Variants in ANKRD13D observed in about 807,000 individuals in gnomAD.
ANKRD13D encodes ankyrin repeat domain 13D.
In ANKRD13D, 24 loss-of-function variants were observed where a neutral mutation model predicts 68.8. That is an observed-to-expected ratio of 0.35 (90% CI 0.25 to 0.49). ANKRD13D has a LOEUF of 0.49. Among genes scored for constraint, ANKRD13D ranks in the 20% least tolerant of loss-of-function variants. The pLI, the probability that ANKRD13D is intolerant of heterozygous loss-of-function variation, is 0.99. For missense variants in ANKRD13D, 735 were observed against 832.1 expected, an observed-to-expected ratio of 0.88 and a Z score of 1.44; for synonymous variants, 331 against 336.1, an observed-to-expected ratio of 0.98 and a Z score of 0.16.
rs375239214 is a variant in ANKRD13D at position 67,300,100 on chromosome 11, C to T, written c.1050C>T (p.Ile350=). 3 of 1,614,048 alleles carry T rather than the reference C, an allele frequency of 1.9e-6. No individual in the cohort carries two copies. The highest frequency in any genetic ancestry group is 2.5e-6 in the Non-Finnish European group (3 of 1,179,962). ...SLESRNIGRP[I]EMSSKVQRFK... ...AGTCACGGAACATTGGCCGCCCCAT[C>T]GAGATGTCCAGCAAAGTACAGAGGT... The change falls in exon 10 of 15, where the codon ATC becomes ATT. Residue 350 remains isoleucine (I), a synonymous_variant. Transcript: ENST00000511455. This position sits in a 1 kb window ranked among gnomAD's most constrained non-coding sequence, Gnocchi z 4.3.
At chr11:67,296,338 AGTGTGTGTGTGTGTGT>A (rs35848734) in intron 6 of ANKRD13D, among the ~76,000 whole-genome samples, 1 of 147,658 alleles carries the variant, frequency 6.8e-6, no homozygotes, top group Non-Finnish European at 1.5e-5. Flanking sequence ...TTTGGGCCTG[AGTGTGTGTGTGTGTGT>A]GTGTGTGTGT....
At position 67,301,501 on chromosome 11, in the gene ANKRD13D, G is replaced by A. The variant is rs775136797; in HGVS notation, c.1362G>A (p.Pro454=). The A allele has an allele frequency of 1.8e-5, 29 of 1,612,632 alleles. No homozygotes were observed. Among genetic ancestry groups the A allele is most frequent in the South Asian group, 4.4e-5 (4 of 91,070 alleles). ...SAVAASGNPF[P]CEVDPTVFEV... The stretch of plus-strand genomic sequence containing the variant: ...CCACCTGCCTAGGGAACCCTTTCCC[G>A]TGCGAGGTGGACCCCACCGTGTTTG... The change falls in exon 13 of 15, where the codon CCG becomes CCA. Residue 454 remains proline, a synonymous_variant. Coordinates refer to ENST00000511455, the MANE Select transcript of ANKRD13D (RefSeq NM_207354.3). The surrounding 1 kb of genome is among the most constrained non-coding windows in gnomAD (Gnocchi z 4.5).
Position 67,301,966 on chromosome 11 carries a change from G to A in ANKRD13D, c.1604+143G>A, listed in dbSNP as rs1054547177. On this transcript the variant is annotated intron_variant, in intron 14 of 14. Transcript: ENST00000511455. The surrounding 1 kb of genome is among the most constrained non-coding windows in gnomAD (Gnocchi z 4.5). ...AGCGCTATCTGCCACCAAAGGTGGT[G>A]TGAGGGGTGGGGAAGCAGGGCCCTG... 6.0e-6 allele frequency: 8 copies of A among 1,332,422 alleles called. No individual in the cohort carries two copies. Among genetic ancestry groups the A allele is most frequent in the South Asian group, 6.0e-5 (4 of 66,758 alleles). 82.5% of individuals were successfully genotyped at this position (1,332,422 alleles called of 1,614,324 possible).
At chr11:67,290,020 A>G in intron 1 of ANKRD13D, 58 bp from the exon 2 acceptor site, 1 of 1,500,094 alleles carries the variant, frequency 6.7e-7, no homozygotes, top group Non-Finnish European at 8.9e-7. Flanking sequence ...TCGCCCTGGC[A>G]GCCTCCCTGC....
chr11:67,301,211 C>T lies in ANKRD13D; in HGVS notation c.1231+64C>T, dbSNP rs1860971642. 2 of 1,598,440 alleles carry T rather than the reference C, an allele frequency of 1.3e-6. No individual in the cohort carries two copies. The highest frequency in any genetic ancestry group is 1.7e-5 in the Admixed American group (1 of 59,212). ...ATGGCACCCTCCCTCAGCGCAGTCCCTGGAGAGCTGCAGGGGCCGGAGGCA... is the reference window on the plus strand; with the variant it reads ...ATGGCACCCTCCCTCAGCGCAGTCCTTGGAGAGCTGCAGGGGCCGGAGGCA... On this transcript the variant is annotated intron_variant, in intron 11 of 14. Coordinates refer to ENST00000511455, the MANE Select transcript of ANKRD13D (RefSeq NM_207354.3). The surrounding 1 kb of genome is among the most constrained non-coding windows in gnomAD (Gnocchi z 4.5).
intron 3 of ANKRD13D, chr11:67,291,239 C>T: frequency 1.9e-6 from 1 of 524,772 alleles, no homozygotes; most frequent in Middle Eastern, 5.1e-4. Flanking sequence ...CACCTGTGGT[C>T]CCAGCTACTC....
In ANKRD13D at chr11:67,300,731, C is replaced by A; in HGVS notation, c.1074-259C>A. On this transcript the variant is annotated intron_variant, in intron 10 of 14. Coordinates refer to ENST00000511455, the MANE Select transcript of ANKRD13D (RefSeq NM_207354.3). The surrounding 1 kb of genome is among the most constrained non-coding windows in gnomAD (Gnocchi z 4.3). ...CCAGAGAGAAGCCCACAGCCTGGCA[C>A]CTGGCCTCCTTGTCCAGACCAGATG... is the stretch of plus-strand genomic sequence containing the variant. 1.8e-6 allele frequency: 1 copy of A among 551,900 alleles called. No homozygotes were observed. Among genetic ancestry groups the A allele is most frequent in the Non-Finnish European group, 3.2e-6 (1 of 313,608 alleles). 34.2% of individuals were successfully genotyped at this position (551,900 alleles called of 1,614,324 possible). A position where few individuals can be genotyped will look rare whatever the true frequency, so the allele number is the denominator to read the frequency against.
Sources: allele counts gnomAD v4.1 joint callset (sites outside exome capture counted in the v4.1 genomes callset), GRCh38; gene constraint gnomAD v4.1.1; non-coding constraint Gnocchi (gnomAD v3.1); transcripts MANE v1.5; gene names NCBI Gene and HGNC (gene_info 2026-07-23, HGNC 2026-07-21).